SMAD2: variants seen among roughly 807,000 people sequenced by gnomAD.
SMAD2 encodes the protein MAD homolog 2.
Under a neutral mutation model 64.4 loss-of-function variants are expected in SMAD2, and 8 were observed. That is an observed-to-expected ratio of 0.12 (90% CI 0.07 to 0.22). The LOEUF (loss-of-function observed/expected upper bound fraction) is 0.22. SMAD2 is among the 10% of genes least tolerant of loss of function. The probability of loss-of-function intolerance (pLI) is 1.00; values close to 1 mark genes in which losing one functional copy is unlikely to be tolerated. For missense variants in SMAD2, 289 were observed against 561.2 expected (o/e 0.51, Z 4.90); for synonymous variants, 203 against 195.8 (o/e 1.04, Z -0.31).
At chr18:47,915,247 C>T (rs1169130314) in intron 1 of SMAD2, among the ~76,000 whole-genome samples, 2 of 152,132 alleles carry the variant, frequency 1.3e-5, no homozygotes, top group African/African-American at 4.8e-5. Context: ...TCCTGATGTT[C>T]CCCCATGGTC....
At chr18:47,843,684 T>G (rs1914195044) in intron 10 of SMAD2, among the ~76,000 whole-genome samples, 1 of 152,212 alleles carries the variant, frequency 6.6e-6, no homozygotes, top group Non-Finnish European at 1.5e-5. Context: ...TTTTGATTTG[T>G]AAATGTTACA....
chr18:47,926,186 C>A (rs4939672), intron 1 of SMAD2, among the ~76,000 whole-genome samples: 6 of 152,024 alleles, frequency 3.9e-5, no homozygotes, highest in Non-Finnish European at 7.4e-5. Flanking sequence ...GTCATAACAG[C>A]TACTGTGATC....
chr18:47,896,946 G>A (rs2033464642), intron 1 of SMAD2, 137 bp from the exon 2 acceptor site: 1 of 744,094 alleles, frequency 1.3e-6, no homozygotes, highest in East Asian at 2.7e-5. Flanking sequence ...CTCCACCCAT[G>A]AAAACGTTAT....
chr18:47,913,477 C>CA (rs1163614750), intron 1 of SMAD2, among the ~76,000 whole-genome samples: 11 of 152,206 alleles, frequency 7.2e-5, no homozygotes, highest in African/African-American at 2.4e-4. Context: ...CTTACCTTTG[C>CA]ATGTCTCAGT....
rs535059832 is a variant in SMAD2 at position 47,835,806 on chromosome 18, T to C, written c.*6021A>G. ...ATATATTACGGATTTCATTGTTCAA[T>C]AAATTACCATCTTTAATTAAAAATA... On this transcript the variant is annotated 3_prime_UTR_variant, in exon 11 of 11. Coordinates refer to ENST00000262160, the MANE Select transcript of SMAD2 (RefSeq NM_005901.6). The C allele has an allele frequency of 3.9e-4, 75 of 192,560 alleles. No individual in the cohort carries two copies. Among genetic ancestry groups the C allele is most frequent in the Non-Finnish European group, 6.6e-4 (61 of 92,038 alleles). 11.9% of individuals were successfully genotyped at this position (192,560 alleles called of 1,614,324 possible).
intron 5 of SMAD2, 68 bp downstream of exon 5, chr18:47,868,255 A>G (rs2031707255): frequency 2.2e-6 from 3 of 1,364,594 alleles, no homozygotes; most frequent in East Asian, 2.3e-5. Flanking sequence ...CAATTTACTA[A>G]AACTTGAATG....
chr18:47,857,190 T>C (rs1043708728), intron 6 of SMAD2, among the ~76,000 whole-genome samples: 2 of 152,218 alleles, frequency 1.3e-5, no homozygotes, highest in Non-Finnish European at 2.9e-5. Context: ...CATAATCTTA[T>C]GTGTAGAACA....
chr18:47,929,064 A>G (rs2034889181), intron 1 of SMAD2, among the ~76,000 whole-genome samples: 1 of 152,214 alleles, frequency 6.6e-6, no homozygotes, highest in Non-Finnish European at 1.5e-5. Context: ...AAATTCTTTA[A>G]ATATCTTGTA....
Position 47,814,187 on chromosome 18 carries a change from C to CT in SMAD2, c.*27639dup, listed in dbSNP as rs556414440. 200 of 152,316 alleles carry CT rather than the reference C, an allele frequency of 1.3e-3. No homozygotes were observed. The highest frequency in any genetic ancestry group is 4.5e-3 in the African/African-American group (186 of 41,566). The allele number at this position is 152,316 out of a possible 1,614,324, so 9.4% of individuals were successfully genotyped here. A position where few individuals can be genotyped will look rare whatever the true frequency, so the allele number is the denominator to read the frequency against. On this transcript the variant is annotated 3_prime_UTR_variant, in exon 11 of 11. Coordinates refer to ENST00000262160, the MANE Select transcript of SMAD2 (RefSeq NM_005901.6). Reference sequence around the variant, plus strand: ...TTCCATTTTCTTCATATATGCCCCCCTGCTGTCTTTCCAATAAAGGTAAGC... The same window carrying CT: ...TTCCATTTTCTTCATATATGCCCCCCTTGCTGTCTTTCCAATAAAGGTAAGC...
At chr18:47,913,901 A>G (rs2034237793) in intron 1 of SMAD2, among the ~76,000 whole-genome samples, 1 of 152,228 alleles carries the variant, frequency 6.6e-6, no homozygotes, top group Non-Finnish European at 1.5e-5. Context: ...TACTTACATA[A>G]TGCAGATTTC....
At position 47,928,915 on chromosome 18, in the gene SMAD2, T is replaced by C. The variant is rs150048913; in HGVS notation, c.-54+1446A>G. On this transcript the variant is annotated intron_variant, in intron 1 of 10. Coordinates refer to ENST00000262160, the MANE Select transcript of SMAD2 (RefSeq NM_005901.6). Reference sequence around the variant, plus strand: ...ATTTATAGTAAAAGTGGGCACACTCTTTAGAAATGCCGAAAGATGTGAACT... The same window carrying C: ...ATTTATAGTAAAAGTGGGCACACTCCTTAGAAATGCCGAAAGATGTGAACT... Among the ~76,000 whole-genome samples the C allele has an allele frequency of 6.3e-3, 958 of 152,336 alleles. 9 individuals carry two copies. Among genetic ancestry groups the C allele is most frequent in the Middle Eastern group, 0.014 (4 of 294 alleles).
intron 1 of SMAD2, among the ~76,000 whole-genome samples, chr18:47,903,637 A>G (rs990510059): frequency 2.6e-5 from 4 of 152,202 alleles, no homozygotes; most frequent in South Asian, 2.1e-4. Context: ...ATAAAATCAG[A>G]TAACTATAAT....
At chr18:47,924,248 C>CAAAAA in intron 1 of SMAD2, among the ~76,000 whole-genome samples, 1 of 99,732 alleles carries the variant, frequency 1.0e-5, no homozygotes, top group East Asian at 2.7e-4. Flanking sequence ...AACTCCGTCT[C>CAAAAA]AAAAAAAAAA....
At chr18:47,847,067 A>G (rs1914566061) in intron 8 of SMAD2, among the ~76,000 whole-genome samples, 1 of 152,170 alleles carries the variant, frequency 6.6e-6, no homozygotes, top group Non-Finnish European at 1.5e-5. Context: ...GAAATAAAAA[A>G]TTTAAAAAAA....
intron 1 of SMAD2, among the ~76,000 whole-genome samples, chr18:47,913,887 G>A (rs1372501165): frequency 6.6e-6 from 1 of 152,162 alleles, no homozygotes; most frequent in Non-Finnish European, 1.5e-5. Context: ...CCAGCAATAA[G>A]TGATACTTAC....
At chr18:47,925,035 C>T (rs2034710319) in intron 1 of SMAD2, among the ~76,000 whole-genome samples, 2 of 152,130 alleles carry the variant, frequency 1.3e-5, no homozygotes, top group South Asian at 4.1e-4. Flanking sequence ...CTACTGAATA[C>T]ATTAAATGTG....
intron 10 of SMAD2, 64 bp from the exon 11 acceptor site, chr18:47,842,014 T>C (rs1032916395): frequency 1.9e-6 from 3 of 1,558,750 alleles, no homozygotes; most frequent in South Asian, 2.2e-5. Context: ...AAAATGGCTA[T>C]GTTTAGGTAC....
Position 47,822,160 on chromosome 18 carries a change from A to C in SMAD2, c.*19667T>G, listed in dbSNP as rs1484430123. 1.3e-5 allele frequency: 2 copies of C among 152,262 alleles called. No individual in the cohort carries two copies. Among genetic ancestry groups the C allele is most frequent in the Non-Finnish European group, 1.5e-5 (1 of 68,042 alleles). 9.4% of individuals were successfully genotyped at this position (152,262 alleles called of 1,614,324 possible). A position where few individuals can be genotyped will look rare whatever the true frequency, so the allele number is the denominator to read the frequency against. On this transcript the variant is annotated 3_prime_UTR_variant, in exon 11 of 11. Transcript: ENST00000262160. ...TCCAAAATTGTACGATGCCGTTAGA[A>C]ATATGTCATCAGTCATAATTCTGAT...
At chr18:47,887,344 C>T (rs1455850197) in intron 2 of SMAD2, among the ~76,000 whole-genome samples, 6 of 152,298 alleles carry the variant, frequency 3.9e-5, no homozygotes, top group East Asian at 1.9e-4. Context: ...TTTAAGGCCC[C>T]TCCCGGTTCT....
Sources: allele counts gnomAD v4.1 joint callset (sites outside exome capture counted in the v4.1 genomes callset), GRCh38; gene constraint gnomAD v4.1.1; transcripts MANE v1.5; gene names NCBI Gene and HGNC (gene_info 2026-07-23, HGNC 2026-07-21).